TNPO1: variants seen among roughly 807,000 people sequenced by gnomAD.
The protein encoded by TNPO1 is transportin-1.
A neutral mutation model predicts 119.5 loss-of-function variants in TNPO1; 8 were observed. That is an observed-to-expected ratio of 0.07 (90% CI 0.04 to 0.12). TNPO1 has a LOEUF of 0.12. Among genes scored for constraint, TNPO1 ranks in the 10% least tolerant of loss-of-function variants. The pLI, the probability that TNPO1 is intolerant of heterozygous loss-of-function variation, is 1.00. For missense variants in TNPO1, 576 were observed against 1,089.8 expected, an observed-to-expected ratio of 0.53 and a Z score of 6.64; for synonymous variants, 362 against 363.0, an observed-to-expected ratio of 1.00 and a Z score of 0.03.
chr5:72,837,647 A>C (rs1244654301), intron 1 of TNPO1, among the ~76,000 whole-genome samples: 2 of 152,226 alleles, frequency 1.3e-5, no homozygotes, highest in African/African-American at 4.8e-5. Flanking sequence ...AGAAATCTTC[A>C]TCCTATTGTT....
chr5:72,903,592 A>T lies in TNPO1; in HGVS notation c.2515-117A>T. ...CCTTATGATCATAGTTAATTTTTAA[A>T]TGTTTCCTTTTTTAAGCTAGATTCT... On this transcript the variant is annotated intron_variant, in intron 22 of 24. Transcript: ENST00000337273. The T allele has an allele frequency of 6.0e-6, 4 of 669,494 alleles. No homozygotes were observed. The South Asian group carries it at 8.5e-5, about 14-fold the overall frequency. The allele number at this position is 669,494 out of a possible 1,614,324, so 41.5% of individuals were successfully genotyped here.
At chr5:72,817,857 A>G (rs1199544095) in intron 1 of TNPO1, among the ~76,000 whole-genome samples, 1 of 152,220 alleles carries the variant, frequency 6.6e-6, no homozygotes, top group East Asian at 1.9e-4. Flanking sequence ...TGTTATATCA[A>G]AGCTTTCATG....
At chr5:72,877,559 T>A (rs1007717454) in intron 9 of TNPO1, among the ~76,000 whole-genome samples, 1 of 152,222 alleles carries the variant, frequency 6.6e-6, no homozygotes, top group African/African-American at 2.4e-5. Context: ...AAATTATAAT[T>A]GATTTCGGAT....
intron 22 of TNPO1, 132 bp downstream of exon 22, chr5:72,901,205 G>T: frequency 2.5e-5 from 13 of 528,990 alleles, no homozygotes; most frequent in Middle Eastern, 5.3e-4. Context: ...CCTTTAAAAT[G>T]TATATTTCTT....
intron 1 of TNPO1, among the ~76,000 whole-genome samples, chr5:72,847,400 T>C (rs1690790268): frequency 6.6e-6 from 1 of 152,244 alleles, no homozygotes; most frequent in Admixed American, 6.5e-5. Context: ...ATGCAACTCA[T>C]AGTAGCTTTA....
chr5:72,823,583 A>G (rs779581103), intron 1 of TNPO1, among the ~76,000 whole-genome samples: 24 of 152,022 alleles, frequency 1.6e-4, no homozygotes, highest in Non-Finnish European at 3.1e-4. Context: ...CATTGATCCT[A>G]TTACTGCTCC....
In TNPO1 at chr5:72,848,438, C is replaced by T. The variant is rs139669762; in HGVS notation, c.69C>T (p.Ile23=). The T allele has an allele frequency of 3.7e-6, 6 of 1,612,572 alleles. No individual in the cohort carries two copies. The highest frequency in any genetic ancestry group is 4.2e-6 in the Non-Finnish European group (5 of 1,179,196). ...WKPDEQGLQQ[I]LQLLKESQSP... ...CTGACGAGCAAGGGCTTCAGCAAAT[C>T]CTGCAGCTGTTGAAGGAGTCCCAGT... Residue 23 remains isoleucine (I), a synonymous_variant, in exon 2 of 25, where the codon ATC becomes ATT. Coordinates refer to ENST00000337273, the MANE Select transcript of TNPO1 (RefSeq NM_002270.4).
intron 2 of TNPO1, among the ~76,000 whole-genome samples, chr5:72,848,910 A>C (rs1456102472): frequency 6.6e-6 from 1 of 151,608 alleles, no homozygotes; most frequent in Non-Finnish European, 1.5e-5. Context: ...TGGGGGTGGC[A>C]GGCCGAGCGG....
intron 14 of TNPO1, among the ~76,000 whole-genome samples, chr5:72,890,891 T>C (rs546548567): frequency 7.2e-5 from 11 of 152,244 alleles, no homozygotes; most frequent in Admixed American, 5.2e-4. Flanking sequence ...TCTCACTCTG[T>C]CACCTAGGCT....
chr5:72,860,027 A>G (rs1746308531), intron 4 of TNPO1, among the ~76,000 whole-genome samples: 1 of 152,194 alleles, frequency 6.6e-6, no homozygotes, highest in South Asian at 2.1e-4. Context: ...TATCTTGAAA[A>G]TGCTATCAGT....
chr5:72,850,236 A>C (rs1745441572), intron 2 of TNPO1, among the ~76,000 whole-genome samples: 1 of 152,224 alleles, frequency 6.6e-6, no homozygotes, highest in Non-Finnish European at 1.5e-5. Context: ...AAGTTGTAAA[A>C]AGGTAAACTT....
At position 72,822,288 on chromosome 5, in the gene TNPO1, C is replaced by A. The variant is rs147254432; in HGVS notation, c.15+5536C>A. Among the ~76,000 whole-genome samples, 3 of 151,284 alleles carry A rather than the reference C, an allele frequency of 2.0e-5. No homozygotes were observed. In the East Asian group the frequency reaches 5.8e-4, roughly 29 times the overall value. ...CAGGTAAACATGGAATAATGATTTA[C>A]CTCACCAGCAGAAAAATGCAAAGTA... On this transcript the variant is annotated intron_variant, in intron 1 of 24. Transcript: ENST00000337273.
Position 72,887,169 on chromosome 5 carries a change from A to G in TNPO1, c.1250A>G (p.His417Arg). The change falls in exon 12 of 25, where the codon CAT (histidine) becomes CGT (arginine). Residue 417 changes from histidine to arginine, a missense_variant. By Grantham distance (29) the His-to-Arg change is conservative. This residue lies in a region of TNPO1 where 310 missense variants were observed against 583.0 expected (regional missense o/e 0.53). Coordinates refer to ENST00000337273, the MANE Select transcript of TNPO1 (RefSeq NM_002270.4). The part of the protein sequence containing the change: ...LPLLKELLFH[H>R]EWVVKESGIL... ...CTTTTGAAAGAATTACTTTTTCATC[A>G]TGAATGGGTTGTTAAAGAATCAGGC... 6.2e-7 allele frequency: 1 copy of G among 1,613,852 alleles called. No individual in the cohort carries two copies. Among genetic ancestry groups the G allele is most frequent in the Non-Finnish European group, 8.5e-7 (1 of 1,179,824 alleles).
rs543512038 is a variant in TNPO1, at chr5:72,825,559, T to C, written c.15+8807T>C. On this transcript the variant is annotated intron_variant, in intron 1 of 24. Coordinates refer to ENST00000337273, the MANE Select transcript of TNPO1 (RefSeq NM_002270.4). ...AAAATTAGCCGGGCGTGGTGGCACG[T>C]GCCTGTAGTCCCAGCTACTCGGGAG... Among the ~76,000 whole-genome samples, 4 of 152,234 alleles carry C rather than the reference T, an allele frequency of 2.6e-5. No homozygotes were observed. The South Asian group carries it at 8.3e-4, about 32-fold the overall frequency.
At chr5:72,902,820 CTG>C (rs768808063) in intron 22 of TNPO1, among the ~76,000 whole-genome samples, 59 of 152,146 alleles carry the variant, frequency 3.9e-4, no homozygotes, top group African/African-American at 1.3e-3. Context: ...TTCTGGGTAT[CTG>C]TGCATTTAAA....
At chr5:72,848,058 G>T in intron 1 of TNPO1, 1 of 1,057,960 alleles carries the variant, frequency 9.5e-7, no homozygotes, top group Non-Finnish European at 1.1e-6. Flanking sequence ...AGAAAACTGC[G>T]TGGCACTAGG....
intron 5 of TNPO1, among the ~76,000 whole-genome samples, chr5:72,863,401 C>A (rs1327613452): frequency 6.6e-6 from 1 of 152,088 alleles, no homozygotes; most frequent in Non-Finnish European, 1.5e-5. Context: ...GAGTTCAAGA[C>A]CAGCCTGGGC....
chr5:72,875,504 C>T lies in TNPO1; in HGVS notation c.679-111C>T, dbSNP rs138378526. Reference sequence around the variant, plus strand: ...ATCTAATATTGTAGGCCAATTCAGTCAGTTTTTGGTACCTTTGTAGGGTTT... The same window carrying T: ...ATCTAATATTGTAGGCCAATTCAGTTAGTTTTTGGTACCTTTGTAGGGTTT... On this transcript the variant is annotated intron_variant, in intron 7 of 24. Transcript: ENST00000337273. 9 of 1,074,576 alleles carry T rather than the reference C, an allele frequency of 8.4e-6. No individual in the cohort carries two copies. In the East Asian group the frequency reaches 1.8e-4, roughly 21 times the overall value. The allele number at this position is 1,074,576 out of a possible 1,614,324, so 66.6% of individuals were successfully genotyped here.
At chr5:72,857,080 G>T (rs1746055620) in intron 4 of TNPO1, among the ~76,000 whole-genome samples, 1 of 152,072 alleles carries the variant, frequency 6.6e-6, no homozygotes, top group Admixed American at 6.5e-5. Flanking sequence ...AGCACTTTGG[G>T]AGGCTGAGGC....
Sources: allele counts gnomAD v4.1 joint callset (sites outside exome capture counted in the v4.1 genomes callset), GRCh38; gene constraint gnomAD v4.1.1; regional missense constraint gnomAD v4.1.1; transcripts MANE v1.5; gene names NCBI Gene and HGNC (gene_info 2026-07-23, HGNC 2026-07-21).